The following SEC13 variants were observed in gnomAD, a reference collection of about 807,000 sequenced individuals.
The protein encoded by SEC13 is protein SEC13 homolog.
SEC13 carries 25 observed loss-of-function variants against 49.2 expected under a neutral mutation model. The ratio of observed to expected loss-of-function variants is 0.51; its 90% CI spans 0.37 to 0.71. The LOEUF (loss-of-function observed/expected upper bound fraction) is 0.71. SEC13 is among the 30% of genes least tolerant of loss of function. The pLI, the probability that SEC13 is intolerant of heterozygous loss-of-function variation, is 0.00. For synonymous variants in SEC13, 148 were observed against 163.9 expected, an observed-to-expected ratio of 0.90 and a Z score of 0.74; for missense variants, 383 against 417.6, an observed-to-expected ratio of 0.92 and a Z score of 0.72.
chr3:10,315,746 T>C (rs1701565923), intron 2 of SEC13, among the ~76,000 whole-genome samples: 1 of 152,036 alleles, frequency 6.6e-6, no homozygotes, highest in South Asian at 2.1e-4. Context: ...TTGGCCTAGC[T>C]GCCCTCTTCT....
In SEC13 at chr3:10,305,453, GAGAA is replaced by G. The variant is rs1401081117; in HGVS notation, c.584+102_584+105del. The stretch of plus-strand genomic sequence containing the variant: ...AAAACAGTATTTTACTGGCAGGAGG[GAGAA>G]AGAAAGGTGACCTTGTTTCTTGTGA... On this transcript the variant is annotated intron_variant, in intron 6 of 8. Transcript: ENST00000350697. 10 of 1,394,672 alleles carry G rather than the reference GAGAA, an allele frequency of 7.2e-6. No individual in the cohort carries two copies. In the South Asian group the frequency reaches 9.2e-5, roughly 13 times the overall value. The allele number at this position is 1,394,672 out of a possible 1,614,324, so 86.4% of individuals were successfully genotyped here.
chr3:10,303,058 A>G (rs1700638728), intron 8 of SEC13, among the ~76,000 whole-genome samples: 1 of 152,210 alleles, frequency 6.6e-6, no homozygotes, highest in Non-Finnish European at 1.5e-5. Flanking sequence ...GAGTTATTTA[A>G]TGGGTACAGA....
In SEC13 at chr3:10,301,216, C is replaced by A. The variant is rs760893683; in HGVS notation, c.*45G>T. 2.5e-6 allele frequency: 4 copies of A among 1,613,990 alleles called. No individual in the cohort carries two copies. On this transcript the variant is annotated 3_prime_UTR_variant, in exon 9 of 9. Transcript: ENST00000350697. Reference sequence around the variant, plus strand: ...TCTGGTTAGTTGGCCCAGGAAGGGGCAGTCCTGGAGCTGGCGGGTGGGGAG... The same window carrying A: ...TCTGGTTAGTTGGCCCAGGAAGGGGAAGTCCTGGAGCTGGCGGGTGGGGAG...
At chr3:10,303,760 G>GTGGC in intron 8 of SEC13, 2 of 509,868 alleles carry the variant, frequency 3.9e-6, no homozygotes, top group Non-Finnish European at 3.6e-6. Context: ...GGCCTGACTG[G>GTGGC]CTCTGCCACC....
chr3:10,319,403 AG>A lies in SEC13; in HGVS notation c.4-1310del, dbSNP rs895490133. 2.0e-5 allele frequency: 18 copies of A among 891,946 alleles called. No homozygotes were observed. The African/African-American group carries it at 2.8e-4, about 14-fold the overall frequency. 55.3% of individuals were successfully genotyped at this position (891,946 alleles called of 1,614,324 possible). On this transcript the variant is annotated intron_variant, in intron 1 of 8. Transcript: ENST00000350697. The stretch of plus-strand genomic sequence containing the variant: ...AAGTGCACAGGAAGGCGGGGAGGGC[AG>A]GGTACCAAGGGCACAGTCAATCAGA...
intron 5 of SEC13, among the ~76,000 whole-genome samples, chr3:10,307,933 A>C (rs1233893163): frequency 6.6e-6 from 1 of 152,168 alleles, no homozygotes; most frequent in Non-Finnish European, 1.5e-5. Flanking sequence ...ATTTATGCTG[A>C]AGTCTTTGTA....
chr3:10,319,788 G>C (rs867247191), intron 1 of SEC13, among the ~76,000 whole-genome samples: 1 of 17,050 alleles, frequency 5.9e-5, no homozygotes, highest in Non-Finnish European at 1.3e-4. Flanking sequence ...GAGAGAGAGA[G>C]AGAGAGAAGG....
intron 6 of SEC13, 104 bp downstream of exon 6, chr3:10,305,455 G>A: frequency 7.1e-7 from 1 of 1,418,138 alleles, no homozygotes; most frequent in East Asian, 2.3e-5. Context: ...GCAGGAGGGA[G>A]AAAGAAAGGT....
At chr3:10,310,372 T>C (rs1701177141) in intron 5 of SEC13, among the ~76,000 whole-genome samples, 1 of 152,106 alleles carries the variant, frequency 6.6e-6, no homozygotes. Context: ...GTGCCTGTAA[T>C]TCCAGCTGCT....
intron 5 of SEC13, among the ~76,000 whole-genome samples, chr3:10,309,010 T>C (rs1231797087): frequency 1.3e-5 from 2 of 148,514 alleles, no homozygotes; most frequent in Non-Finnish European, 3.0e-5. Context: ...TGATCTTGGC[T>C]CTCTGCAACC....
chr3:10,301,172 TGGG>T lies in SEC13; in HGVS notation c.*86_*88del. ...CCTGGGAAAATAATCCTGTTGGAGT[TGGG>T]GGCTCTTCCCAGTTGTCTGGTTAGT... is the stretch of plus-strand genomic sequence containing the variant. On this transcript the variant is annotated 3_prime_UTR_variant, in exon 9 of 9. Transcript: ENST00000350697. 1 of 1,613,978 alleles carries T rather than the reference TGGG, an allele frequency of 6.2e-7. No homozygotes were observed. The highest frequency in any genetic ancestry group is 8.5e-7 in the Non-Finnish European group (1 of 1,179,874).
chr3:10,305,348 G>T, intron 6 of SEC13, 192 bp from the exon 7 acceptor site: 1 of 1,085,836 alleles, frequency 9.2e-7, no homozygotes, highest in Non-Finnish European at 1.3e-6. Flanking sequence ...TGCTTCCACA[G>T]CCAAAGAGTC....
intron 1 of SEC13, among the ~76,000 whole-genome samples, chr3:10,320,006 GGAGAGAGAGA>G (rs59019332): frequency 8.7e-5 from 9 of 103,110 alleles, no homozygotes; most frequent in Non-Finnish European, 1.4e-4. Flanking sequence ...GGGAGGGTGG[GGAGAGAGAGA>G]GAGAGAGAGA....
chr3:10,301,822 AACT>A (rs1700541131), intron 8 of SEC13, among the ~76,000 whole-genome samples: 1 of 152,176 alleles, frequency 6.6e-6, no homozygotes, highest in South Asian at 2.1e-4. Flanking sequence ...GCAGTTTGAA[AACT>A]ACTGTGGTAG....
chr3:10,315,218 G>A, intron 3 of SEC13, 103 bp downstream of exon 3: 1 of 819,002 alleles, frequency 1.2e-6, no homozygotes, highest in Admixed American at 2.3e-5. Context: ...GTGCTTTGGG[G>A]TTGCTCTGAA....
At chr3:10,312,432 T>C (rs1285853803) in intron 4 of SEC13, 147 bp downstream of exon 4, 2 of 988,656 alleles carry the variant, frequency 2.0e-6, no homozygotes, top group African/African-American at 3.2e-5. Context: ...CTTACTCAGC[T>C]GAGGACAGAG....
intron 7 of SEC13, 63 bp downstream of exon 7, chr3:10,304,970 C>T: frequency 9.9e-6 from 16 of 1,610,972 alleles, no homozygotes; most frequent in Non-Finnish European, 1.4e-5. Flanking sequence ...GCTAAGGAGA[C>T]TAAGAGCTGA....
intron 5 of SEC13, among the ~76,000 whole-genome samples, chr3:10,310,165 C>G (rs1462184849): frequency 6.6e-6 from 1 of 152,126 alleles, no homozygotes. Context: ...AAGATGCTCA[C>G]CATCATCTTT....
Position 10,317,654 on chromosome 3 carries a change from C to T in SEC13, c.48+396G>A, listed in dbSNP as rs117473460. Among the ~76,000 whole-genome samples, 38 of 152,276 alleles carry T rather than the reference C, an allele frequency of 2.5e-4. No individual in the cohort carries two copies. In the East Asian group the frequency reaches 4.4e-3, roughly 18 times the overall value. On this transcript the variant is annotated intron_variant, in intron 2 of 8. Coordinates refer to ENST00000350697, the MANE Select transcript of SEC13 (RefSeq NM_183352.3). ...GCCTTTGTATTGAGTCATCTTTCTACACTCTCTTCTTTTCACCCCCCTTTC... is the reference window on the plus strand; with the variant it reads ...GCCTTTGTATTGAGTCATCTTTCTATACTCTCTTCTTTTCACCCCCCTTTC...
Sources: gnomAD v4.1 joint callset for allele counts (sites outside exome capture counted in the v4.1 genomes callset) on GRCh38, gnomAD v4.1.1 for gene constraint, MANE v1.5 for transcripts, NCBI Gene and HGNC (gene_info 2026-07-23, HGNC 2026-07-21) for gene names.